Variants in PCM1 observed in about 807,000 individuals in gnomAD.
PCM1 encodes pericentriolar material 1 protein.
PCM1 carries 157 observed loss-of-function variants against 241.9 expected under a neutral mutation model. The ratio of observed to expected loss-of-function variants is 0.65; its 90% CI spans 0.57 to 0.74. The LOEUF is 0.74. Ranked by LOEUF, PCM1 falls within the 30% of genes least tolerant of loss-of-function variation. The pLI is 0.00. For synonymous variants in PCM1, 1,085 were observed against 784.9 expected, an observed-to-expected ratio of 1.38 and a Z score of -6.39; for missense variants, 3,478 against 2,360.1, an observed-to-expected ratio of 1.47 and a Z score of -9.81.
chr8:17,950,695 C>T lies in PCM1; in HGVS notation c.1042C>T (p.Arg348Cys), dbSNP rs1322591768. The change falls in exon 8 of 39, where the codon CGT becomes TGT. Residue 348 changes from arginine (R) to cysteine (C), a missense_variant. Arg to Cys is a radical substitution (Grantham distance 180, BLOSUM62 -3). Coordinates refer to ENST00000325083, the MANE Select transcript of PCM1 (RefSeq NM_006197.4). ...LNEELNDLIQ[R>C]FHNQLRDSQP... ...TGAAGAATTGAATGACTTAATTCAGCGTTTTCATAATCAGCTTCGTGATTC... is the reference window on the plus strand; with the variant it reads ...TGAAGAATTGAATGACTTAATTCAGTGTTTTCATAATCAGCTTCGTGATTC... The T allele has an allele frequency of 4.4e-6, 7 of 1,595,852 alleles. No individual in the cohort carries two copies. Among genetic ancestry groups the T allele is most frequent in the Non-Finnish European group, 6.0e-6 (7 of 1,168,232 alleles).
At chr8:17,931,184 T>A (rs918929062) in intron 2 of PCM1, among the ~76,000 whole-genome samples, 14 of 152,240 alleles carry the variant, frequency 9.2e-5, no homozygotes, top group Admixed American at 9.2e-4. Context: ...ATTTTAGTAG[T>A]GTTCAAAGTC....
chr8:17,933,541 C>A (rs895508793), intron 2 of PCM1, among the ~76,000 whole-genome samples: 5 of 152,116 alleles, frequency 3.3e-5, no homozygotes, highest in African/African-American at 1.2e-4. Context: ...TATTTAGTAT[C>A]CCATCATGGA....
intron 8 of PCM1, among the ~76,000 whole-genome samples, 180 bp from the exon 9 acceptor site, chr8:17,952,790 T>C (rs2066581469): frequency 6.6e-6 from 1 of 152,124 alleles, no homozygotes; most frequent in African/African-American, 2.4e-5. Flanking sequence ...CATATGTTAA[T>C]AGTGGCATAT....
At chr8:17,938,499 C>A (rs1294968079) in intron 4 of PCM1, among the ~76,000 whole-genome samples, 1 of 152,074 alleles carries the variant, frequency 6.6e-6, no homozygotes, top group Admixed American at 6.6e-5. Flanking sequence ...TTAGACTTAC[C>A]TTGTTCATAT....
rs373889597 is a variant in PCM1, at chr8:17,972,590, G to A, written c.3846G>A (p.Ala1282=). The A allele has an allele frequency of 4.0e-5, 64 of 1,612,702 alleles. 1 individual carries two copies. The East Asian group carries it at 7.1e-4, about 18-fold the overall frequency. The change falls in exon 23 of 39, where the codon GCG becomes GCA. Residue 1282 remains alanine (A), a synonymous_variant. Coordinates refer to ENST00000325083, the MANE Select transcript of PCM1 (RefSeq NM_006197.4). ...TVTKTFKTRK[A]SAQASLASKD... is the part of the protein sequence containing the mutation. ...CTAAAACATTCAAGACAAGAAAAGC[G>A]TCTGCACAGGCCAGCCTGGCATCTA...
At chr8:17,969,850 G>T (rs2076253822) in intron 22 of PCM1, 102 bp downstream of exon 22, 3 of 849,462 alleles carry the variant, frequency 3.5e-6, no homozygotes, top group Non-Finnish European at 5.5e-6. Flanking sequence ...CGTTTGTGAT[G>T]ATTTGGCTTG....
Position 18,029,107 on chromosome 8 carries a change from G to A in PCM1, c.*1445G>A, listed in dbSNP as rs1254151484. The A allele has an allele frequency of 1.3e-5, 2 of 153,584 alleles. No individual in the cohort carries two copies. Among genetic ancestry groups the A allele is most frequent in the Non-Finnish European group, 1.3e-5 (1 of 77,874 alleles). The allele number at this position is 153,584 out of a possible 1,614,324, so 9.5% of individuals were successfully genotyped here. Reference sequence around the variant, plus strand: ...TGGAGGTTGCAGGTTGCAGTGAGCCGAGATCATGCCACTGCACTCCAGCCT... The same window carrying A: ...TGGAGGTTGCAGGTTGCAGTGAGCCAAGATCATGCCACTGCACTCCAGCCT... On this transcript the variant is annotated 3_prime_UTR_variant, in exon 39 of 39. Transcript: ENST00000325083.
At chr8:17,944,113 C>CT (rs760056978) in intron 6 of PCM1, among the ~76,000 whole-genome samples, 8 of 152,140 alleles carry the variant, frequency 5.3e-5, no homozygotes, top group Non-Finnish European at 1.2e-4. Flanking sequence ...AATTTATAAG[C>CT]TTTCTTTGTA....
intron 10 of PCM1, among the ~76,000 whole-genome samples, chr8:17,956,293 T>C (rs566974069): frequency 1.5e-4 from 23 of 152,214 alleles, no homozygotes; most frequent in Non-Finnish European, 3.1e-4. Context: ...CTTGAGAAAC[T>C]AGAAATCTTT....
Position 18,007,674 on chromosome 8 carries a change from A to G in PCM1, c.4962+1277A>G, listed in dbSNP as rs539514436. ...GGACATACATGAAGAATACAAGTTA[A>G]TTTACGTTAAATATTGCCCAGAGTA... On this transcript the variant is annotated intron_variant, in intron 30 of 38. Coordinates refer to ENST00000325083, the MANE Select transcript of PCM1 (RefSeq NM_006197.4). Among the ~76,000 whole-genome samples the G allele has an allele frequency of 4.7e-4, 72 of 152,270 alleles. No individual in the cohort carries two copies. The Middle Eastern group carries it at 0.014, about 29-fold the overall frequency.
intron 2 of PCM1, among the ~76,000 whole-genome samples, chr8:17,928,383 C>G (rs1470090234): frequency 6.6e-6 from 1 of 152,152 alleles, no homozygotes; most frequent in South Asian, 2.1e-4. Context: ...AATGTACAGT[C>G]CTTCCTACTT....
rs769240520 is a variant in PCM1, at chr8:17,960,326, A to G, written c.2204A>G (p.Tyr735Cys). 5 of 1,589,462 alleles carry G rather than the reference A, an allele frequency of 3.1e-6. No individual in the cohort carries two copies. In the South Asian group the frequency reaches 3.5e-5, roughly 11 times the overall value. Residue 735 changes from tyrosine (Y) to cysteine (C), a missense_variant, in exon 15 of 39, where the codon TAT becomes TGT. Transcript: ENST00000325083. ...GVNEKAREKF[Y>C]EAKLQQQQRE... ...CAATTTAATTGTAGAGAGAAATTTT[A>G]TGAGGCTAAACTACAGCAGCAACAG...
intron 34 of PCM1, 134 bp downstream of exon 34, chr8:18,011,961 G>C (rs761920768): frequency 6.6e-5 from 51 of 770,056 alleles, no homozygotes; most frequent in Non-Finnish European, 7.8e-5. Flanking sequence ...TCATTAATAT[G>C]CTTATTAAAA....
intron 29 of PCM1, among the ~76,000 whole-genome samples, chr8:18,005,479 G>T (rs796573769): frequency 2.0e-5 from 3 of 151,940 alleles, no homozygotes; most frequent in South Asian, 2.1e-4. Context: ...TATTGGTGGG[G>T]GGGACTGAAC....
chr8:17,942,615 T>C (rs1439905483), intron 6 of PCM1, among the ~76,000 whole-genome samples: 1 of 152,048 alleles, frequency 6.6e-6, no homozygotes, highest in Admixed American at 6.6e-5. Context: ...TTTTCTGCAG[T>C]GTTTAATTGG....
At chr8:17,946,730 G>C (rs2063906230) in intron 6 of PCM1, among the ~76,000 whole-genome samples, 1 of 152,078 alleles carries the variant, frequency 6.6e-6, no homozygotes, top group African/African-American at 2.4e-5. Context: ...TCCTGACCTT[G>C]TGATCTGCCC....
intron 21 of PCM1, among the ~76,000 whole-genome samples, chr8:17,967,791 A>G (rs2075456983): frequency 6.6e-6 from 1 of 152,220 alleles, no homozygotes. Flanking sequence ...GCTCTCCTAA[A>G]GGAGTACCAT....
At position 17,929,126 on chromosome 8, in the gene PCM1, C is replaced by G. The variant is rs999843600; in HGVS notation, c.-23+4346C>G. Among the ~76,000 whole-genome samples, 3 of 152,122 alleles carry G rather than the reference C, an allele frequency of 2.0e-5. No homozygotes were observed. The East Asian group carries it at 5.8e-4, about 29-fold the overall frequency. On this transcript the variant is annotated intron_variant, in intron 2 of 38. Transcript: ENST00000325083. ...AGTTATGGAATTGACCCTCACTACC[C>G]CTGCTGAAATTTCTCACCAAAGTCA...
chr8:18,025,275 T>G (rs1454936073), intron 36 of PCM1, 86 bp from the exon 37 acceptor site: 21 of 746,348 alleles, frequency 2.8e-5, no homozygotes, highest in Non-Finnish European at 4.8e-5. Context: ...TGTGATAGAA[T>G]TACTGAGAAA....
Sources: allele counts gnomAD v4.1 joint callset (sites outside exome capture counted in the v4.1 genomes callset), GRCh38; gene constraint gnomAD v4.1.1; transcripts MANE v1.5; gene names NCBI Gene and HGNC (gene_info 2026-07-23, HGNC 2026-07-21).